TENM3: variants seen among roughly 807,000 people sequenced by gnomAD.
TENM3 encodes teneurin-3.
TENM3 carries 63 observed loss-of-function variants against 255.1 expected under a neutral mutation model. The observed-to-expected ratio is 0.25, with a 90% confidence interval of 0.20 to 0.30. The LOEUF (loss-of-function observed/expected upper bound fraction) is 0.30. Among genes scored for constraint, TENM3 ranks in the 10% least tolerant of loss-of-function variants. The pLI, the probability that TENM3 is intolerant of heterozygous loss-of-function variation, is 1.00. For missense variants in TENM3, 2,929 were observed against 3,461.1 expected, an observed-to-expected ratio of 0.85 and a Z score of 3.86; for synonymous variants, 1,306 against 1,322.3, an observed-to-expected ratio of 0.99 and a Z score of 0.27.
At chr4:182,229,348 A>C (rs1434654707) in intron 1 of TENM3, among the ~76,000 whole-genome samples, 1 of 152,080 alleles carries the variant, frequency 6.6e-6, no homozygotes, top group Non-Finnish European at 1.5e-5. Context: ...AAGAATAAAA[A>C]CCCCGTAATA....
intron 3 of TENM3, among the ~76,000 whole-genome samples, chr4:182,458,238 TTTA>T (rs1473340747): frequency 2.0e-4 from 31 of 152,230 alleles, no homozygotes; most frequent in Admixed American, 2.0e-4. Context: ...AGATTATGCT[TTTA>T]TTGACATTTC....
chr4:181,746,445 G>A, the TENM3 span, among the ~76,000 whole-genome samples: 1 of 152,086 alleles, frequency 6.6e-6, no homozygotes, highest in Non-Finnish European at 1.5e-5. Flanking sequence ...GGCCTGGGGG[G>A]TCTGCAGATG....
intron 5 of TENM3, among the ~76,000 whole-genome samples, chr4:182,638,564 C>A (rs1452035901): frequency 2.0e-5 from 3 of 152,094 alleles, no homozygotes; most frequent in African/African-American, 7.2e-5. Context: ...TTAGCTAGAT[C>A]CACCTCTGTA....
At chr4:181,485,042 G>A in the TENM3 span, among the ~76,000 whole-genome samples, 1 of 152,046 alleles carries the variant, frequency 6.6e-6, no homozygotes, top group Non-Finnish European at 1.5e-5. Context: ...AAAACCACAG[G>A]TGTTTTTCTT....
rs546090778 is a variant in TENM3, at chr4:182,783,778, C to A, written c.5305-5315C>A. Among the ~76,000 whole-genome samples the A allele has an allele frequency of 1.2e-4, 19 of 152,260 alleles. No homozygotes were observed. The East Asian group carries it at 3.5e-3, about 28-fold the overall frequency. The stretch of plus-strand genomic sequence containing the variant: ...TTCTTTGTATTCGTTTTTCTCTAAA[C>A]TTCCCTTCTCGCTTCATTTCATTCA... On this transcript the variant is annotated intron_variant, in intron 24 of 27. Transcript: ENST00000511685.
chr4:182,488,494 C>T (rs1734967936), intron 3 of TENM3, among the ~76,000 whole-genome samples: 1 of 152,034 alleles, frequency 6.6e-6, no homozygotes, highest in Admixed American at 6.6e-5. Flanking sequence ...AGATATTAAA[C>T]ATAGTGCTGG....
At chr4:181,818,628 A>G in the TENM3 span, among the ~76,000 whole-genome samples, 42 of 100,854 alleles carry the variant, frequency 4.2e-4, 1 homozygote, top group African/African-American at 1.5e-3. Flanking sequence ...TTTTTTTTTG[A>G]TTTGGAGTTT....
chr4:181,828,581 TTC>T, the TENM3 span, among the ~76,000 whole-genome samples: 3 of 152,066 alleles, frequency 2.0e-5, no homozygotes, highest in African/African-American at 7.2e-5. Context: ...TCTTTTTTTC[TTC>T]TTTTTTTTCT....
chr4:182,062,629 CCTAA>C, the TENM3 span, among the ~76,000 whole-genome samples: 8 of 152,174 alleles, frequency 5.3e-5, no homozygotes, highest in Admixed American at 1.3e-4. Context: ...ACAGAGCTTT[CCTAA>C]CTATTTGTCT....
chr4:182,517,811 C>T (rs74580032), intron 3 of TENM3, among the ~76,000 whole-genome samples: 3,613 of 152,260 alleles, frequency 0.024, 50 homozygotes, highest in Middle Eastern at 0.041. Context: ...TCAATTATTT[C>T]AAAATAATGT....
At chr4:182,177,103 A>G (rs1752542924) in intron 1 of TENM3, among the ~76,000 whole-genome samples, 1 of 152,064 alleles carries the variant, frequency 6.6e-6, no homozygotes, top group African/African-American at 2.4e-5. Context: ...ATGAGCCTGT[A>G]AGCACCCACA....
At chr4:182,219,417 C>T (rs923119140) in intron 1 of TENM3, among the ~76,000 whole-genome samples, 28 of 152,164 alleles carry the variant, frequency 1.8e-4, no homozygotes, top group Admixed American at 1.1e-3. Context: ...AACCCATCAC[C>T]GTAAGAGGCT....
the TENM3 span, among the ~76,000 whole-genome samples, chr4:181,610,622 A>G: frequency 1.3e-5 from 2 of 152,314 alleles, no homozygotes; most frequent in African/African-American, 2.4e-5. Context: ...TGACACAATG[A>G]CTAACCTGTA....
chr4:182,572,778 C>T (rs911665770), intron 3 of TENM3, among the ~76,000 whole-genome samples: 2 of 152,152 alleles, frequency 1.3e-5, no homozygotes, highest in South Asian at 4.1e-4. Flanking sequence ...AATTCACGTA[C>T]CAACTCATAT....
At chr4:181,454,062 C>G in the TENM3 span, among the ~76,000 whole-genome samples, 1 of 152,008 alleles carries the variant, frequency 6.6e-6, no homozygotes, top group Non-Finnish European at 1.5e-5. Context: ...TCTGTAAAAC[C>G]AGGCTGACAT....
At chr4:182,409,559 G>T (rs1229607342) in intron 3 of TENM3, among the ~76,000 whole-genome samples, 7 of 152,098 alleles carry the variant, frequency 4.6e-5, no homozygotes, top group Non-Finnish European at 2.9e-5. Flanking sequence ...ATTGGTGCAG[G>T]CTCTCATTAA....
chr4:181,924,180 T>C, the TENM3 span, among the ~76,000 whole-genome samples: 1 of 152,136 alleles, frequency 6.6e-6, no homozygotes, highest in Non-Finnish European at 1.5e-5. Flanking sequence ...ATTCCCCAAA[T>C]TCAGTGTTAC....
the TENM3 span, among the ~76,000 whole-genome samples, chr4:181,929,357 A>G: frequency 6.6e-6 from 1 of 151,436 alleles, no homozygotes; most frequent in African/African-American, 2.4e-5. Flanking sequence ...GGAAAGGCAA[A>G]AAAAAAAAAG....
the TENM3 span, among the ~76,000 whole-genome samples, chr4:181,730,115 C>A: frequency 1.6e-4 from 25 of 152,224 alleles, no homozygotes; most frequent in South Asian, 5.2e-3. Flanking sequence ...ACACATTCAG[C>A]AGGTTTCGGG....
Sources: gnomAD v4.1 joint callset for allele counts (sites outside exome capture counted in the v4.1 genomes callset) on GRCh38, gnomAD v4.1.1 for gene constraint, MANE v1.5 for transcripts, NCBI Gene and HGNC (gene_info 2026-07-23, HGNC 2026-07-21) for gene names.